Variants in LAMA1 observed in about 807,000 individuals in gnomAD.
LAMA1 encodes the protein laminin subunit alpha 1, also known as laminin subunit alpha-1.
A neutral mutation model predicts 348.7 loss-of-function variants in LAMA1; 219 were observed. That is an observed-to-expected ratio of 0.63 (90% CI 0.56 to 0.70). The LOEUF (loss-of-function observed/expected upper bound fraction) is 0.70, where lower values mean the gene tolerates loss of function less well. Ranked by LOEUF, LAMA1 falls within the 30% of genes least tolerant of loss-of-function variation. The pLI is 0.00. For missense variants in LAMA1, 3,744 were observed against 3,888.0 expected (o/e 0.96, Z 0.99); for synonymous variants, 1,487 against 1,491.0 (o/e 1.00, Z 0.06).
At chr18:6,965,972 AAAATGAGG>A in intron 49 of LAMA1, 167 bp downstream of exon 49, 1 of 688,262 alleles carries the variant, frequency 1.5e-6, no homozygotes, top group Non-Finnish European at 2.4e-6. Context: ...TAAATAATTT[AAAATGAGG>A]AAATTGTTTA....
At position 6,976,064 on chromosome 18, in the gene LAMA1, G is replaced by T; in HGVS notation, c.6362C>A (p.Ser2121Tyr). Reference sequence around the variant, plus strand: ...GGCCCGGATGCAATCTCTGTCTGCAGACACGGCGACTTTAATCTGTAGAAG... The same window carrying T: ...GGCCCGGATGCAATCTCTGTCTGCATACACGGCGACTTTAATCTGTAGAAG... ...KQAASIKVAV[S>Y]ADRDCIRAYQ... Residue 2121 changes from serine (S) to tyrosine (Y), a missense_variant, in exon 45 of 63, where the codon TCT becomes TAT. Physicochemically the swap from Ser to Tyr is moderately radical, Grantham distance 144. This residue lies in a region of LAMA1 where 1,983 missense variants were observed against 1,934.3 expected (regional missense o/e 1.03). Coordinates refer to ENST00000389658, the MANE Select transcript of LAMA1 (RefSeq NM_005559.4). 6.2e-7 allele frequency: 1 copy of T among 1,614,158 alleles called. No individual in the cohort carries two copies.
chr18:7,028,566 G>C (rs2057954590), intron 16 of LAMA1, among the ~76,000 whole-genome samples: 1 of 152,206 alleles, frequency 6.6e-6, no homozygotes, highest in African/African-American at 2.4e-5. Flanking sequence ...AGAGTTAAGA[G>C]AATCTGTCAA....
rs746979952 is a variant in LAMA1, at chr18:6,975,038, T to C, written c.6490-2A>G. The C allele has an allele frequency of 1.9e-6, 3 of 1,613,454 alleles. No homozygotes were observed. Among genetic ancestry groups the C allele is most frequent in the South Asian group, 1.1e-5 (1 of 90,994 alleles). ...CATCTCCACTGCAAGGAAATCAGAC[T>C]GGGGGGCGAGGAATGAACGGGGATC... On this transcript the variant is annotated splice_acceptor_variant, in intron 45 of 62. Transcript: ENST00000389658. LOFTEE classifies it high-confidence loss of function.
chr18:7,001,683 T>A (rs961398880), intron 30 of LAMA1, among the ~76,000 whole-genome samples: 7 of 152,214 alleles, frequency 4.6e-5, no homozygotes, highest in Non-Finnish European at 1.0e-4. Context: ...TAATAAAATA[T>A]TATTGATGAG....
intron 3 of LAMA1, among the ~76,000 whole-genome samples, chr18:7,061,824 T>C (rs2058102923): frequency 6.6e-6 from 1 of 152,192 alleles, no homozygotes; most frequent in South Asian, 2.1e-4. Flanking sequence ...GAGTGGGTGC[T>C]TGTGGACCCA....
intron 3 of LAMA1, among the ~76,000 whole-genome samples, chr18:7,076,386 T>C (rs1440223893): frequency 6.6e-6 from 1 of 152,158 alleles, no homozygotes; most frequent in African/African-American, 2.4e-5. Flanking sequence ...GGATGGCTGG[T>C]GATGTGGTCT....
intron 1 of LAMA1, among the ~76,000 whole-genome samples, chr18:7,101,567 G>A (rs2058291253): frequency 6.6e-6 from 1 of 152,322 alleles, no homozygotes; most frequent in South Asian, 2.1e-4. Flanking sequence ...ATTCTCTTGT[G>A]ATTATCTATG....
chr18:7,013,907 C>T lies in LAMA1; in HGVS notation c.3271G>A (p.Asp1091Asn), dbSNP rs1462869571. 7 of 1,613,590 alleles carry T rather than the reference C, an allele frequency of 4.3e-6. No individual in the cohort carries two copies. Among genetic ancestry groups the T allele is most frequent in the Non-Finnish European group, 5.9e-6 (7 of 1,179,690 alleles). The change falls in exon 23 of 63, where the codon GAC (aspartate) becomes AAC (asparagine). Residue 1091 changes from aspartate (D) to asparagine (N), a missense_variant. Physicochemically the swap from Asp to Asn is conservative, Grantham distance 23 (BLOSUM62 1). Around this residue, in one of 3 missense-constraint regions of LAMA1, gnomAD observed 1,529 missense variants for 1,689.4 expected, o/e 0.91. Transcript: ENST00000389658. ...CCCGACGTCCCCCTCAGGTCACAGT[C>T]ACAGGGAACACAGTCGGGAAAGTCT... The part of the protein sequence containing the change: ...YRDFPDCVPC[D>N]CDLRGTSGDA...
intron 1 of LAMA1, among the ~76,000 whole-genome samples, chr18:7,099,450 C>G (rs2058282156): frequency 1.3e-5 from 2 of 150,414 alleles, no homozygotes; most frequent in African/African-American, 4.9e-5. Flanking sequence ...TGAGAAACAC[C>G]CAAGAATTAT....
At position 7,008,507 on chromosome 18, in the gene LAMA1, G is replaced by A. The variant is rs775082079; in HGVS notation, c.4103C>T (p.Thr1368Ile). Residue 1368 changes from threonine (T) to isoleucine (I), a missense_variant, in exon 28 of 63, where the codon ACT (threonine) becomes ATT (isoleucine). Thr to Ile is a moderately conservative substitution (Grantham distance 89). Coordinates refer to ENST00000389658, the MANE Select transcript of LAMA1 (RefSeq NM_005559.4). The part of the protein sequence containing the change: ...LLENCVCPPG[T>I]VGFSCQDCAP... The stretch of plus-strand genomic sequence containing the variant: ...CCGTACCTGACATGAGAATCCCACA[G>A]TGCCAGGAGGACAGACACAATTCTC... The A allele has an allele frequency of 1.2e-6, 2 of 1,614,064 alleles. No homozygotes were observed. Among genetic ancestry groups the A allele is most frequent in the Non-Finnish European group, 1.7e-6 (2 of 1,179,972 alleles).
In LAMA1 at chr18:7,042,265, T is replaced by G. The variant is rs537821339; in HGVS notation, c.1156-15A>C. On this transcript the variant is annotated splice_polypyrimidine_tract_variant and intron_variant, in intron 8 of 62. Coordinates refer to ENST00000389658, the MANE Select transcript of LAMA1 (RefSeq NM_005559.4). ...TAAGGAGACACCTGAAAGGCAGAGG[T>G]TGCCCTGGATTCTCTTACTAGAAAT... is the stretch of plus-strand genomic sequence containing the variant. The G allele has an allele frequency of 1.4e-5, 21 of 1,486,560 alleles. No individual in the cohort carries two copies. In the East Asian group the frequency reaches 3.9e-4, roughly 27 times the overall value. 92.1% of individuals were successfully genotyped at this position (1,486,560 alleles called of 1,614,324 possible).
At chr18:6,997,329 T>C (rs1364675617) in intron 33 of LAMA1, among the ~76,000 whole-genome samples, 1 of 152,186 alleles carries the variant, frequency 6.6e-6, no homozygotes, top group Non-Finnish European at 1.5e-5. Context: ...CCCAAAGTGC[T>C]GGGATGCTGG....
chr18:6,958,605 T>A lies in LAMA1; in HGVS notation c.7836A>T (p.Leu2612Phe), dbSNP rs1600349400. 6.2e-6 allele frequency: 10 copies of A among 1,614,216 alleles called. No individual in the cohort carries two copies. The East Asian group carries it at 2.2e-4, about 36-fold the overall frequency. Residue 2612 changes from leucine (L) to phenylalanine (F), a missense_variant, in exon 55 of 63, where the codon TTA becomes TTT. Physicochemically the swap from Leu to Phe is conservative, Grantham distance 22 (BLOSUM62 0). Coordinates refer to ENST00000389658, the MANE Select transcript of LAMA1 (RefSeq NM_005559.4). ...ACACATTTATCGTCCTGCTTTCTAC[T>A]AATGTGCCCAACTTCATTTCCACAG... is the stretch of plus-strand genomic sequence containing the variant. ...NNPVEMKLGT[L>F]VESRTINVSN...
Position 7,089,585 on chromosome 18 carries a change from A to G in LAMA1, c.62-9128T>C, listed in dbSNP as rs147054147. 9.8e-3 allele frequency among the ~76,000 whole-genome samples: 1,498 copies of G among 152,356 alleles called. 30 individuals are homozygous for G. The highest frequency in any genetic ancestry group is 0.034 in the African/African-American group (1,396 of 41,592). ...AGCCAAGAGCTCAGGCGAAGGCCCA[A>G]TGACCTGGCGTGGGCCTGGCAGCAG... is the stretch of plus-strand genomic sequence containing the variant. On this transcript the variant is annotated intron_variant, in intron 1 of 62. Coordinates refer to ENST00000389658, the MANE Select transcript of LAMA1 (RefSeq NM_005559.4).
chr18:6,978,764 T>C (rs2057695114), intron 42 of LAMA1, among the ~76,000 whole-genome samples: 1 of 152,220 alleles, frequency 6.6e-6, no homozygotes, highest in African/African-American at 2.4e-5. Context: ...TCCTTTTCCA[T>C]CACTCCTTTC....
At chr18:6,948,630 T>A in intron 59 of LAMA1, 74 bp from the exon 60 acceptor site, 1 of 1,554,558 alleles carries the variant, frequency 6.4e-7, no homozygotes, top group Non-Finnish European at 8.9e-7. Context: ...TTCCTTCCAC[T>A]TCATCAGACT....
intron 33 of LAMA1, among the ~76,000 whole-genome samples, chr18:6,997,478 G>GGGCA (rs2057786918): frequency 6.6e-6 from 1 of 152,214 alleles, no homozygotes; most frequent in South Asian, 2.1e-4. Flanking sequence ...GGGCCACAGA[G>GGGCA]GGCAGCATTG....
intron 36 of LAMA1, among the ~76,000 whole-genome samples, chr18:6,992,151 T>C (rs570158960): frequency 2.0e-5 from 3 of 152,360 alleles, no homozygotes; most frequent in African/African-American, 7.2e-5. Context: ...TTTATATAAC[T>C]AAGCTCAATT....
intron 10 of LAMA1, 101 bp from the exon 11 acceptor site, chr18:7,039,051 A>C: frequency 1.0e-6 from 1 of 960,398 alleles, no homozygotes; most frequent in Non-Finnish European, 1.7e-6. Flanking sequence ...CCACAGAGAC[A>C]GGTGAATAAA....
Sources: allele counts gnomAD v4.1 joint callset (sites outside exome capture counted in the v4.1 genomes callset), GRCh38; gene constraint gnomAD v4.1.1; regional missense constraint gnomAD v4.1.1; transcripts MANE v1.5; gene names NCBI Gene and HGNC (gene_info 2026-07-23, HGNC 2026-07-21).